GBP6: variants seen among roughly 807,000 people sequenced by gnomAD.
The protein encoded by GBP6 is guanylate binding protein family member 6.
In GBP6, 54 loss-of-function variants were observed where a neutral mutation model predicts 61.5. The ratio of observed to expected loss-of-function variants is 0.88; its 90% confidence interval spans 0.71 to 1.10. The LOEUF is 1.10. Ranked by LOEUF, GBP6 falls within the 50% of genes least tolerant of loss-of-function variation. GBP6 has a pLI of 0.00. For missense variants in GBP6, 748 were observed against 752.8 expected, an observed-to-expected ratio of 0.99 and a Z score of 0.07; for synonymous variants, 255 against 273.7, an observed-to-expected ratio of 0.93 and a Z score of 0.67.
chr1:89,369,405 A>G, intron 2 of GBP6, 141 bp from the exon 3 acceptor site: 1 of 1,005,644 alleles, frequency 9.9e-7, no homozygotes, highest in Non-Finnish European at 1.4e-6. Flanking sequence ...TTATTCACAA[A>G]GTAAGCCATT....
chr1:89,372,511 A>AC (rs1652674127), intron 3 of GBP6, among the ~76,000 whole-genome samples: 1 of 152,170 alleles, frequency 6.6e-6, no homozygotes, highest in Non-Finnish European at 1.5e-5. Context: ...ATAATACCAC[A>AC]CATCTACAAC....
intron 1 of GBP6, among the ~76,000 whole-genome samples, chr1:89,366,821 C>CTT (rs1229447591): frequency 1.3e-5 from 2 of 152,178 alleles, no homozygotes; most frequent in Non-Finnish European, 2.9e-5. Flanking sequence ...AACAATGATT[C>CTT]TGCATTCCCT....
At chr1:89,377,031 T>C (rs1006739002) in intron 3 of GBP6, among the ~76,000 whole-genome samples, 1 of 152,210 alleles carries the variant, frequency 6.6e-6, no homozygotes, top group Non-Finnish European at 1.5e-5. Flanking sequence ...AGGCTATTCT[T>C]CCTACCTCCA....
intron 5 of GBP6, among the ~76,000 whole-genome samples, chr1:89,379,816 G>A (rs995869594): frequency 6.6e-6 from 1 of 152,212 alleles, no homozygotes; most frequent in African/African-American, 2.4e-5. Flanking sequence ...TCTTTTAAGA[G>A]TTTATAAAGA....
At chr1:89,383,954 C>A in intron 9 of GBP6, 139 bp from the exon 10 acceptor site, 1 of 908,294 alleles carries the variant, frequency 1.1e-6, no homozygotes, top group Non-Finnish European at 1.7e-6. Context: ...TTCTCAAATG[C>A]GCTCTTAATG....
At position 89,369,613 on chromosome 1, in the gene GBP6, A is replaced by T. The variant is rs1413982701; in HGVS notation, c.258A>T (p.Pro86=). The part of the protein sequence containing the change: ...KGIWMWCVPH[P]SKPNHTLVLL... ...TCTGGATGTGGTGCGTGCCCCACCC[A>T]TCCAAGCCAAACCACACCCTGGTCC... Residue 86 remains proline (P), a synonymous_variant, in exon 3 of 11, where the codon CCA becomes CCT. Transcript: ENST00000370456. The T allele has an allele frequency of 5.6e-6, 9 of 1,614,086 alleles. No homozygotes were observed. Among genetic ancestry groups the T allele is most frequent in the Non-Finnish European group, 6.8e-6 (8 of 1,179,964 alleles).
chr1:89,368,444 C>T, intron 1 of GBP6, 85 bp from the exon 2 acceptor site: 3 of 966,392 alleles, frequency 3.1e-6, no homozygotes. Context: ...AGTAGAAACA[C>T]AGAAGTCTCA....
chr1:89,379,868 T>TG (rs574383234), intron 5 of GBP6, among the ~76,000 whole-genome samples: 138 of 152,320 alleles, frequency 9.1e-4, no homozygotes, highest in African/African-American at 3.1e-3. Context: ...CTGGGCAAGG[T>TG]GACTTGCACC....
chr1:89,381,646 C>A (rs999891088), intron 6 of GBP6, 48 bp from the exon 7 acceptor site: 3 of 1,552,118 alleles, frequency 1.9e-6, no homozygotes, highest in African/African-American at 2.7e-5. Flanking sequence ...TAGGATCCCA[C>A]TGAGCTTTAA....
At chr1:89,380,236 A>C in intron 5 of GBP6, 150 bp from the exon 6 acceptor site, 4 of 614,146 alleles carry the variant, frequency 6.5e-6, no homozygotes, top group East Asian at 2.7e-5. Flanking sequence ...TTTTAGCATC[A>C]ATGTGCACAG....
chr1:89,375,759 C>T (rs778442627), intron 3 of GBP6, among the ~76,000 whole-genome samples: 24 of 152,240 alleles, frequency 1.6e-4, no homozygotes, highest in African/African-American at 2.4e-4. Context: ...TTTAATTTGA[C>T]GCAGTCTCAC....
chr1:89,369,604 GCCCCA>G lies in GBP6; in HGVS notation c.253_257del (p.His85IlefsTer22), dbSNP rs763962341. On this transcript the variant is annotated frameshift_variant, in exon 3 of 11. Coordinates refer to ENST00000370456, the MANE Select transcript of GBP6 (RefSeq NM_198460.3). LOFTEE classifies it high-confidence loss of function. Reference sequence around the variant, plus strand: ...CCAAGGGCATCTGGATGTGGTGCGTGCCCCACCCATCCAAGCCAAACCACACCCTG... The same window carrying G: ...CCAAGGGCATCTGGATGTGGTGCGTGCCCATCCAAGCCAAACCACACCCTG... The G allele has an allele frequency of 3.1e-5, 50 of 1,613,960 alleles. No homozygotes were observed. The highest frequency in any genetic ancestry group is 1.5e-4 in the Admixed American group (9 of 59,982).
At position 89,384,417 on chromosome 1, in the gene GBP6, C is replaced by A. The variant is rs1037584164; in HGVS notation, c.1662+131C>A. ...TTGCTGCTTGGCAATCACTAAAAGC[C>A]CTGAATCCTTTTTTTCTTAATTGTT... On this transcript the variant is annotated intron_variant, in intron 10 of 10. Coordinates refer to ENST00000370456, the MANE Select transcript of GBP6 (RefSeq NM_198460.3). 1.8e-5 allele frequency: 12 copies of A among 657,120 alleles called. No homozygotes were observed. The Admixed American group carries it at 3.6e-4, about 20-fold the overall frequency. The allele number at this position is 657,120 out of a possible 1,614,324, so 40.7% of individuals were successfully genotyped here.
chr1:89,382,608 G>C, intron 7 of GBP6, 56 bp from the exon 8 acceptor site: 1 of 1,436,234 alleles, frequency 7.0e-7, no homozygotes, highest in South Asian at 1.2e-5. Flanking sequence ...AGATTCTTTA[G>C]AATTTCATCT....
In GBP6 at chr1:89,382,814, T is replaced by C. The variant is rs201186609; in HGVS notation, c.1303T>C (p.Tyr435His). 6.6e-5 allele frequency: 106 copies of C among 1,613,818 alleles called. No individual in the cohort carries two copies. The highest frequency in any genetic ancestry group is 8.6e-5 in the Non-Finnish European group (101 of 1,179,870). Residue 435 changes from tyrosine (Y) to histidine (H), a missense_variant, in exon 8 of 11, where the codon TAC becomes CAC. By Grantham distance (83) the Tyr-to-His change is moderately conservative (BLOSUM62 2). Coordinates refer to ENST00000370456, the MANE Select transcript of GBP6 (RefSeq NM_198460.3). ...CTCTGTTCCTGGAGGGCACAAGCTCTACATGGAAACAAAGGAAAGGATTGA... is the reference window on the plus strand; with the variant it reads ...CTCTGTTCCTGGAGGGCACAAGCTCCACATGGAAACAAAGGAAAGGATTGA... The part of the protein sequence containing the change: ...SFSVPGGHKL[Y>H]METKERIEQD...
rs181179151 is a variant in GBP6, at chr1:89,381,720, G to T, written c.898G>T (p.Val300Leu). 5.6e-6 allele frequency: 9 copies of T among 1,613,598 alleles called. No individual in the cohort carries two copies. The highest frequency in any genetic ancestry group is 6.8e-6 in the Non-Finnish European group (8 of 1,179,638). ...NRLGTLAVTY[V>L]EAINSGAVPC... ...TCTGGGAACTCTGGCAGTGACTTATGTAGAGGCCATCAACAGTGGAGCAGT... is the reference window on the plus strand; with the variant it reads ...TCTGGGAACTCTGGCAGTGACTTATTTAGAGGCCATCAACAGTGGAGCAGT... The change falls in exon 7 of 11, where the codon GTA becomes TTA. Residue 300 changes from valine to leucine, a missense_variant. Physicochemically the swap from Val to Leu is conservative, Grantham distance 32 (BLOSUM62 1). Coordinates refer to ENST00000370456, the MANE Select transcript of GBP6 (RefSeq NM_198460.3).
rs748489019 is a variant in GBP6 at position 89,385,452 on chromosome 1, C to T, written c.1885C>T (p.His629Tyr). ...AGGTGTGAGCTCACTCTTTAAAAAG[C>T]ATAAGCTCCCCTTTTAAGGATATTA... ...VKGVSSLFKK[H>Y]KLPF The change falls in exon 11 of 11, where the codon CAT (histidine) becomes TAT (tyrosine). Residue 629 changes from histidine to tyrosine, a missense_variant. His to Tyr is a moderately conservative substitution (Grantham distance 83). Transcript: ENST00000370456. 1 of 1,613,782 alleles carries T rather than the reference C, an allele frequency of 6.2e-7. No individual in the cohort carries two copies. Among genetic ancestry groups the T allele is most frequent in the South Asian group, 1.1e-5 (1 of 91,060 alleles).
chr1:89,383,631 T>G (rs759437209), intron 8 of GBP6, 21 bp from the exon 9 acceptor site: 2 of 1,495,504 alleles, frequency 1.3e-6, no homozygotes, highest in Non-Finnish European at 1.8e-6. Context: ...GAAATCTAAG[T>G]GCTTTTTCTT....
At chr1:89,373,912 T>G (rs1028809306) in intron 3 of GBP6, among the ~76,000 whole-genome samples, 2 of 152,076 alleles carry the variant, frequency 1.3e-5, no homozygotes, top group Non-Finnish European at 2.9e-5. Context: ...TGAATTGTAG[T>G]TCCCATAATC....
Sources: gnomAD v4.1 joint callset for allele counts (sites outside exome capture counted in the v4.1 genomes callset) on GRCh38, gnomAD v4.1.1 for gene constraint, MANE v1.5 for transcripts, NCBI Gene and HGNC (gene_info 2026-07-23, HGNC 2026-07-21) for gene names.